Variants in TTC29 observed in about 807,000 individuals in gnomAD.
TTC29 encodes tetratricopeptide repeat domain 29, also known as tetratricopeptide repeat protein 29.
A neutral mutation model predicts 58.1 loss-of-function variants in TTC29; 49 were observed. The observed-to-expected ratio is 0.84, with a 90% CI of 0.67 to 1.07. The LOEUF (loss-of-function observed/expected upper bound fraction) is 1.07, where lower values mean the gene tolerates loss of function less well. TTC29 is among the 50% of genes least tolerant of loss of function. The pLI is 0.00. For synonymous variants in TTC29, 209 were observed against 196.8 expected, an observed-to-expected ratio of 1.06 and a Z score of -0.52; for missense variants, 582 against 555.6, an observed-to-expected ratio of 1.05 and a Z score of -0.48.
chr4:146,891,189 G>C (rs1043781808), intron 6 of TTC29, among the ~76,000 whole-genome samples: 2 of 152,122 alleles, frequency 1.3e-5, no homozygotes, highest in Non-Finnish European at 2.9e-5. Context: ...GGTTTGTCCT[G>C]ATCAGTTCCG....
intron 11 of TTC29, among the ~76,000 whole-genome samples, chr4:146,789,636 C>T (rs1007599980): frequency 1.3e-5 from 2 of 152,124 alleles, no homozygotes; most frequent in African/African-American, 4.8e-5. Flanking sequence ...CTTATAATTT[C>T]TTTGAAATAA....
chr4:146,882,598 T>C (rs534642897), intron 6 of TTC29, among the ~76,000 whole-genome samples: 1 of 152,246 alleles, frequency 6.6e-6, no homozygotes, highest in African/African-American at 2.4e-5. Flanking sequence ...TGCACAGGCT[T>C]TAATCAATAA....
chr4:146,786,993 C>T (rs1749073519), intron 11 of TTC29, among the ~76,000 whole-genome samples: 1 of 151,964 alleles, frequency 6.6e-6, no homozygotes, highest in Non-Finnish European at 1.5e-5. Flanking sequence ...TGGTGGTATG[C>T]ACCTGCAGTC....
intron 4 of TTC29, among the ~76,000 whole-genome samples, chr4:146,913,793 T>C (rs1408231718): frequency 6.6e-6 from 1 of 152,172 alleles, no homozygotes; most frequent in African/African-American, 2.4e-5. Context: ...CTGCTGTCTG[T>C]GACCAAAGAA....
rs34339203 is a variant in TTC29 at position 146,838,399 on chromosome 4, C to CA, written c.886-4503dup. On this transcript the variant is annotated intron_variant, in intron 8 of 12. Coordinates refer to ENST00000325106, the MANE Select transcript of TTC29 (RefSeq NM_031956.4). The stretch of plus-strand genomic sequence containing the variant: ...ATTTAAGTCAAAGATTGTCAACTGT[C>CA]AAAAAAAAAATAGAATATCTATCTG... Among the ~76,000 whole-genome samples the CA allele has an allele frequency of 1.4e-3, 214 of 150,724 alleles. 1 individual carries two copies. The highest frequency in any genetic ancestry group is 7.8e-4 in the East Asian group (4 of 5,120).
At chr4:146,910,757 A>G (rs532340592) in intron 4 of TTC29, among the ~76,000 whole-genome samples, 1 of 152,332 alleles carries the variant, frequency 6.6e-6, no homozygotes, top group Non-Finnish European at 1.5e-5. Context: ...TAGTTCGTAA[A>G]GAGAATAAAG....
At chr4:146,828,916 A>G (rs1727982851) in intron 9 of TTC29, among the ~76,000 whole-genome samples, 5 of 152,240 alleles carry the variant, frequency 3.3e-5, no homozygotes, top group Admixed American at 3.3e-4. Context: ...TCCAAATTTA[A>G]AAGTTAGTGA....
At chr4:146,805,962 C>T (rs1290877393) in intron 10 of TTC29, among the ~76,000 whole-genome samples, 5 of 152,000 alleles carry the variant, frequency 3.3e-5, no homozygotes, top group Non-Finnish European at 5.9e-5. Context: ...ATGAAGGAAA[C>T]AATGTTAAGG....
intron 4 of TTC29, among the ~76,000 whole-genome samples, chr4:146,919,410 G>C (rs1191749396): frequency 2.0e-5 from 3 of 150,952 alleles, no homozygotes; most frequent in Non-Finnish European, 3.0e-5. Flanking sequence ...GGTGTATTAT[G>C]TGTCCTAATA....
intron 11 of TTC29, among the ~76,000 whole-genome samples, chr4:146,710,562 C>T (rs368975505): frequency 2.0e-5 from 3 of 152,196 alleles, no homozygotes; most frequent in East Asian, 1.9e-4. Flanking sequence ...GGTTCCATCA[C>T]TGCAAAAACA....
At chr4:146,810,588 C>CTTTTTTTTT (rs398051307) in intron 10 of TTC29, among the ~76,000 whole-genome samples, 6 of 96,318 alleles carry the variant, frequency 6.2e-5, no homozygotes, top group African/African-American at 2.0e-4. Flanking sequence ...TACATACCTT[C>CTTTTTTTTT]TTTTTTTTTT....
chr4:146,758,593 A>G (rs563793623), intron 11 of TTC29, among the ~76,000 whole-genome samples: 1 of 152,310 alleles, frequency 6.6e-6, no homozygotes, highest in African/African-American at 2.4e-5. Flanking sequence ...GATAGGCCAT[A>G]AAACAAGCCT....
intron 11 of TTC29, among the ~76,000 whole-genome samples, chr4:146,775,300 C>T (rs902660796): frequency 1.3e-5 from 2 of 151,964 alleles, no homozygotes; most frequent in African/African-American, 4.8e-5. Context: ...TTTTGTTGGC[C>T]GGTTATTATG....
chr4:146,741,652 G>A (rs1167975698), intron 11 of TTC29, among the ~76,000 whole-genome samples: 2 of 152,042 alleles, frequency 1.3e-5, no homozygotes, highest in Admixed American at 6.6e-5. Context: ...TTGCCACAGA[G>A]TTACATTTGC....
At chr4:146,927,080 C>CAAAAAAAA (rs55786171) in intron 4 of TTC29, among the ~76,000 whole-genome samples, 2 of 110,098 alleles carry the variant, frequency 1.8e-5, no homozygotes, top group Non-Finnish European at 3.9e-5. Context: ...GACCCCATCT[C>CAAAAAAAA]AAAAAAAAAA....
At chr4:146,788,979 G>T (rs1290973391) in intron 11 of TTC29, among the ~76,000 whole-genome samples, 1 of 152,112 alleles carries the variant, frequency 6.6e-6, no homozygotes, top group Admixed American at 6.6e-5. Flanking sequence ...TCTAAAGGAG[G>T]TGATGGGGAT....
intron 11 of TTC29, among the ~76,000 whole-genome samples, chr4:146,712,786 G>T (rs1286140722): frequency 6.6e-6 from 1 of 152,086 alleles, no homozygotes. Flanking sequence ...AGGGTGCCAT[G>T]CCATTATCAT....
chr4:146,732,784 G>A (rs988675961), intron 11 of TTC29, among the ~76,000 whole-genome samples: 8 of 152,116 alleles, frequency 5.3e-5, no homozygotes, highest in South Asian at 2.1e-4. Flanking sequence ...AAGACAGTGA[G>A]GCAGATAACT....
intron 11 of TTC29, among the ~76,000 whole-genome samples, chr4:146,724,476 A>G (rs1358221037): frequency 6.6e-6 from 1 of 152,160 alleles, no homozygotes; most frequent in Non-Finnish European, 1.5e-5. Context: ...TTTTAGTCAC[A>G]GTTTATAAAA....
Sources: gnomAD v4.1 joint callset for allele counts (sites outside exome capture counted in the v4.1 genomes callset) on GRCh38, gnomAD v4.1.1 for gene constraint, MANE v1.5 for transcripts, NCBI Gene and HGNC (gene_info 2026-07-23, HGNC 2026-07-21) for gene names.